Variants in OSBPL10 observed in about 807,000 individuals in gnomAD.
OSBPL10 encodes the protein oxysterol binding protein like 10, also known as oxysterol-binding protein-related protein 10.
Under a neutral mutation model 81.7 loss-of-function variants are expected in OSBPL10, and 49 were observed. That is an observed-to-expected ratio of 0.60 (90% confidence interval 0.48 to 0.76). The LOEUF is 0.76. Among genes scored for constraint, OSBPL10 ranks in the 30% least tolerant of loss-of-function variants. The probability of loss-of-function intolerance (pLI) is 0.00; values close to 1 mark genes in which losing one functional copy is unlikely to be tolerated. For synonymous variants in OSBPL10, 419 were observed against 383.6 expected, an observed-to-expected ratio of 1.09 and a Z score of -1.08; for missense variants, 923 against 987.8, an observed-to-expected ratio of 0.93 and a Z score of 0.88.
intron 4 of OSBPL10, among the ~76,000 whole-genome samples, chr3:31,774,979 CAA>C (rs1459295167): frequency 1.3e-5 from 2 of 151,140 alleles, no homozygotes; most frequent in African/African-American, 2.4e-5. Context: ...CCAGCCTGGC[CAA>C]CATGGTGAAA....
chr3:31,914,812 C>T (rs1352783663), intron 1 of OSBPL10, among the ~76,000 whole-genome samples: 2 of 152,302 alleles, frequency 1.3e-5, no homozygotes, highest in East Asian at 3.9e-4. Context: ...ATTTCAAGCA[C>T]TCAATAGCCA....
intron 1 of OSBPL10, among the ~76,000 whole-genome samples, chr3:32,068,358 T>C (rs532995145): frequency 8.5e-5 from 13 of 152,244 alleles, no homozygotes; most frequent in African/African-American, 2.9e-4. Flanking sequence ...GCAAGTCAAT[T>C]GCAGGGATGC....
chr3:31,854,097 C>T (rs1025915688), intron 3 of OSBPL10, among the ~76,000 whole-genome samples: 4 of 151,848 alleles, frequency 2.6e-5, no homozygotes, highest in Admixed American at 6.6e-5. Flanking sequence ...GTCAAGGTCA[C>T]TCACAACCTT....
At chr3:31,738,390 G>GAA (rs58044645) in intron 5 of OSBPL10, among the ~76,000 whole-genome samples, 1 of 141,434 alleles carries the variant, frequency 7.1e-6, no homozygotes, top group Non-Finnish European at 1.6e-5. Flanking sequence ...TGCCTTAAAG[G>GAA]AAAAAAAAAA....
At chr3:31,839,444 G>C (rs1168633316) in intron 3 of OSBPL10, among the ~76,000 whole-genome samples, 1 of 152,132 alleles carries the variant, frequency 6.6e-6, no homozygotes, top group Non-Finnish European at 1.5e-5. Context: ...ATCCTGGTGA[G>C]AGAAAGAGTT....
chr3:31,930,009 A>AAAG (rs1341245701), intron 1 of OSBPL10, among the ~76,000 whole-genome samples: 1 of 149,482 alleles, frequency 6.7e-6, no homozygotes, highest in East Asian at 2.0e-4. Flanking sequence ...CAACCAAAAA[A>AAAG]AAAAAAAAAA....
chr3:32,027,188 C>A (rs1699423598), intron 2 of OSBPL10, among the ~76,000 whole-genome samples: 1 of 152,114 alleles, frequency 6.6e-6, no homozygotes, highest in Non-Finnish European at 1.5e-5. Context: ...TTGCCCCCGA[C>A]CCCCTGACAG....
At chr3:32,013,547 G>T (rs1285662598) in intron 2 of OSBPL10, among the ~76,000 whole-genome samples, 1 of 152,126 alleles carries the variant, frequency 6.6e-6, no homozygotes, top group Non-Finnish European at 1.5e-5. Context: ...AGAGAAGCAA[G>T]AGTAATCACA....
At chr3:32,035,967 C>A (rs1031987403) in intron 2 of OSBPL10, among the ~76,000 whole-genome samples, 1 of 152,304 alleles carries the variant, frequency 6.6e-6, no homozygotes, top group African/African-American at 2.4e-5. Context: ...ACCCTCCCCC[C>A]AGTCTTTGGT....
At chr3:31,934,035 G>A (rs1347876527) in intron 1 of OSBPL10, among the ~76,000 whole-genome samples, 1 of 148,628 alleles carries the variant, frequency 6.7e-6, no homozygotes, top group Non-Finnish European at 1.5e-5. Context: ...CAATTGTACT[G>A]TAAAGAAGGC....
At chr3:32,048,101 G>A (rs1699639148) in intron 1 of OSBPL10, among the ~76,000 whole-genome samples, 1 of 152,064 alleles carries the variant, frequency 6.6e-6, no homozygotes, top group African/African-American at 2.4e-5. Flanking sequence ...TATTAAAGAT[G>A]GAGTTGCTAT....
chr3:31,772,611 C>T (rs1698415098), intron 4 of OSBPL10, among the ~76,000 whole-genome samples: 1 of 152,198 alleles, frequency 6.6e-6, no homozygotes, highest in African/African-American at 2.4e-5. Flanking sequence ...TTCCACTGCA[C>T]TGCACTGCCC....
chr3:31,906,032 CCTG>C (rs1696401679), intron 1 of OSBPL10, among the ~76,000 whole-genome samples: 1 of 152,074 alleles, frequency 6.6e-6, no homozygotes, highest in African/African-American at 2.4e-5. Flanking sequence ...GGGAGTGTCT[CCTG>C]CTAAGTTTCT....
rs1320783160 is a variant in OSBPL10, at chr3:31,683,982, C to T, written c.1378G>A (p.Glu460Lys). 1.2e-6 allele frequency: 2 copies of T among 1,614,204 alleles called. No homozygotes were observed. The highest frequency in any genetic ancestry group is 1.1e-5 in the South Asian group (1 of 91,078). The change falls in exon 8 of 12, where the codon GAG becomes AAG. Residue 460 changes from glutamate (E) to lysine (K), a missense_variant. Transcript: ENST00000396556. ...TPEERVICFVEYYLTAFHEGR... is the reference protein window; with the variant it reads ...TPEERVICFVKYYLTAFHEGR... ...TCGTGAAAGGCTGTGAGATAATACT[C>T]AACGAAGCAAATGACTCTCTCCTCT...
chr3:31,698,342 T>G (rs1293952705), intron 7 of OSBPL10, among the ~76,000 whole-genome samples: 1 of 151,812 alleles, frequency 6.6e-6, no homozygotes, highest in South Asian at 2.1e-4. Context: ...TCGCAGCTAT[T>G]TGGGAGGCTG....
chr3:32,077,029 T>G (rs1026893019), intron 1 of OSBPL10, among the ~76,000 whole-genome samples: 2 of 152,172 alleles, frequency 1.3e-5, no homozygotes, highest in African/African-American at 4.8e-5. Flanking sequence ...AACCATAATA[T>G]CTGATCTTTT....
At chr3:31,981,797 T>C (rs1415647878), upstream of OSBPL10, 1 of 152,038 alleles carries the variant, frequency 6.6e-6, no homozygotes, top group Non-Finnish European at 1.5e-5. This position sits in a 1 kb window ranked among gnomAD's most constrained non-coding sequence, Gnocchi z 4.5. Flanking sequence ...CGCCAGACGC[T>C]CCTACACAGT....
chr3:31,812,822 A>AAGAAAGAAAGAAAGAGAG (rs1699742012), intron 4 of OSBPL10, among the ~76,000 whole-genome samples: 2 of 119,740 alleles, frequency 1.7e-5, no homozygotes, highest in Non-Finnish European at 3.6e-5. Context: ...AAGAAAGAGA[A>AAGAAAGAAAGAAAGAGAG]AGAAAGAAAG....
intron 3 of OSBPL10, among the ~76,000 whole-genome samples, chr3:31,869,555 T>C (rs1701269360): frequency 1.3e-5 from 2 of 152,198 alleles, no homozygotes; most frequent in Admixed American, 6.5e-5. Flanking sequence ...TACATAAAGA[T>C]TGCAGACATC....
Sources: allele counts gnomAD v4.1 joint callset (sites outside exome capture counted in the v4.1 genomes callset), GRCh38; gene constraint gnomAD v4.1.1; non-coding constraint Gnocchi (gnomAD v3.1); transcripts MANE v1.5; gene names NCBI Gene and HGNC (gene_info 2026-07-23, HGNC 2026-07-21).